Variants in GOLGA6B observed in about 807,000 individuals in gnomAD.
GOLGA6B encodes golgin subfamily A member 6B.
Under a neutral mutation model 63.0 loss-of-function variants are expected in GOLGA6B, and 11 were observed. That is an observed-to-expected ratio of 0.17 (90% CI 0.11 to 0.29). The LOEUF (loss-of-function observed/expected upper bound fraction) is 0.29. GOLGA6B is among the 10% of genes least tolerant of loss of function. The pLI, the probability that GOLGA6B is intolerant of heterozygous loss-of-function variation, is 1.00. For missense variants in GOLGA6B, 134 were observed against 563.8 expected (o/e 0.24, Z 7.72); for synonymous variants, 46 against 232.6 (o/e 0.20, Z 7.30).
In GOLGA6B at chr15:72,664,336, G is replaced by A. The variant is rs1020413023; in HGVS notation, c.1426-100G>A. ...CGGTGGCTGAGATGGCCGGCCAAAA[G>A]TTGCAGGAGACCCAGGGGAGGCAGT... On this transcript the variant is annotated intron_variant, in intron 12 of 17. Coordinates refer to ENST00000421285, the MANE Select transcript of GOLGA6B (RefSeq NM_018652.5). 3.2e-6 allele frequency: 4 copies of A among 1,240,884 alleles called. No homozygotes were observed. The African/African-American group carries it at 6.1e-5, about 19-fold the overall frequency. The allele number at this position is 1,240,884 out of a possible 1,614,324, so 76.9% of individuals were successfully genotyped here. A position where few individuals can be genotyped will look rare whatever the true frequency, so the allele number is the denominator to read the frequency against.
chr15:72,666,243 C>T lies in GOLGA6B; in HGVS notation c.1983C>T (p.Asn661=), dbSNP rs551348657. ...TTTATGAAGTGAGCCTGGACAACAA[C>T]GTGGAGCCTGCACCAGGAGCGGCCA... The part of the protein sequence containing the change: ...DDFYEVSLDN[N]VEPAPGAARE... The change falls in exon 18 of 18, where the codon AAC becomes AAT. Residue 661 remains asparagine (N), a synonymous_variant. Transcript: ENST00000421285. 12 of 1,601,950 alleles carry T rather than the reference C, an allele frequency of 7.5e-6. No individual in the cohort carries two copies. Among genetic ancestry groups the T allele is most frequent in the East Asian group, 4.6e-5 (2 of 43,890 alleles).
intron 7 of GOLGA6B, among the ~76,000 whole-genome samples, chr15:72,660,582 A>AGG (rs1241603873): frequency 8.5e-5 from 8 of 93,672 alleles, no homozygotes; most frequent in African/African-American, 2.7e-4. Flanking sequence ...GAGAGAGGAA[A>AGG]GGGGTGTGTG....
intron 10 of GOLGA6B, 67 bp from the exon 11 acceptor site, chr15:72,662,185 T>A: frequency 7.5e-7 from 1 of 1,333,156 alleles, no homozygotes; most frequent in Non-Finnish European, 9.9e-7. Context: ...TTTTTTTTTT[T>A]TTGAGGGGGA....
At chr15:72,657,948 G>T in intron 2 of GOLGA6B, among the ~76,000 whole-genome samples, 1 of 103,686 alleles carries the variant, frequency 9.6e-6, no homozygotes, top group African/African-American at 5.4e-5. Flanking sequence ...TGGGATTTGG[G>T]CTCTTTTTTT....
intron 7 of GOLGA6B, among the ~76,000 whole-genome samples, chr15:72,660,898 G>A (rs1191851273): frequency 3.2e-4 from 46 of 142,698 alleles, no homozygotes; most frequent in Non-Finnish European, 5.4e-4. Flanking sequence ...TTGAACACTC[G>A]ATGTTTTTCA....
In GOLGA6B at chr15:72,664,428, C is replaced by T. The variant is rs752542237; in HGVS notation, c.1426-8C>T. On this transcript the variant is annotated splice_region_variant and splice_polypyrimidine_tract_variant and intron_variant, in intron 12 of 17. Coordinates refer to ENST00000421285, the MANE Select transcript of GOLGA6B (RefSeq NM_018652.5). The stretch of plus-strand genomic sequence containing the variant: ...CGTGCCTTCTCACTCTGTTTCCCGT[C>T]CCCTTAGGAGCACCTAGAAGCTGCC... 12 of 1,321,252 alleles carry T rather than the reference C, an allele frequency of 9.1e-6. No homozygotes were observed. Among genetic ancestry groups the T allele is most frequent in the Non-Finnish European group, 1.0e-5 (10 of 961,458 alleles). 81.8% of individuals were successfully genotyped at this position (1,321,252 alleles called of 1,614,324 possible).
chr15:72,664,173 A>T (rs1275623700), intron 12 of GOLGA6B, among the ~76,000 whole-genome samples: 1 of 130,492 alleles, frequency 7.7e-6, no homozygotes, highest in Non-Finnish European at 1.7e-5. Context: ...CAGCAGCGAG[A>T]CTAGTACCTG....
rs1311376966 is a variant in GOLGA6B, at chr15:72,669,037, T to G, written c.*2695T>G. Among the ~76,000 whole-genome samples the G allele has an allele frequency of 2.7e-5, 4 of 150,852 alleles. No homozygotes were observed. Among genetic ancestry groups the G allele is most frequent in the South Asian group, 4.2e-4 (2 of 4,718 alleles). ...GAAGGCAACATTAGAAGGGTAGAGT[T>G]TAATCAGAAACATAGAATTTTAAAG... On this transcript the variant is annotated 3_prime_UTR_variant, in exon 18 of 18. Coordinates refer to ENST00000421285, the MANE Select transcript of GOLGA6B (RefSeq NM_018652.5).
chr15:72,660,912 A>C (rs1463371967), intron 7 of GOLGA6B, among the ~76,000 whole-genome samples: 2 of 146,714 alleles, frequency 1.4e-5, no homozygotes, highest in Non-Finnish European at 3.0e-5. Flanking sequence ...TTTTTCATCT[A>C]CACAATAGAG....
chr15:72,664,464 A>T lies in GOLGA6B; in HGVS notation c.1454A>T (p.Asn485Ile), dbSNP rs1296581513. ...CACCTAGAAGCTGCCAGCCAGCAGA[A>T]CCAACAGCTAGAGACCCAGCTAAGC... ...EEHLEAASQQ[N>I]QQLETQLSLV... The change falls in exon 13 of 18, where the codon AAC becomes ATC. Residue 485 changes from asparagine to isoleucine, a missense_variant. By Grantham distance (149) the Asn-to-Ile change is moderately radical (BLOSUM62 -3). Coordinates refer to ENST00000421285, the MANE Select transcript of GOLGA6B (RefSeq NM_018652.5). The T allele has an allele frequency of 4.5e-6, 6 of 1,340,444 alleles. 2 individuals are homozygous for T. Among genetic ancestry groups the T allele is most frequent in the Non-Finnish European group, 6.1e-6 (6 of 979,022 alleles). 83.0% of individuals were successfully genotyped at this position (1,340,444 alleles called of 1,614,324 possible).
rs1412870444 is a variant in GOLGA6B at position 72,667,295 on chromosome 15, GAGCATTTATATCTACA to G, written c.*955_*970del. Among the ~76,000 whole-genome samples, 1 of 131,598 alleles carries G rather than the reference GAGCATTTATATCTACA, an allele frequency of 7.6e-6. No individual in the cohort carries two copies. The highest frequency in any genetic ancestry group is 2.9e-4 in the South Asian group (1 of 3,454). The allele number at this position is 131,598 out of a possible 152,430, so 86.3% of individuals were successfully genotyped here. The stretch of plus-strand genomic sequence containing the variant: ...GATGTGGAAAACCTTTTCTAGCTTA[GAGCATTTATATCTACA>G]ATACATTTTAAAGTCAGAGTTCATG... On this transcript the variant is annotated 3_prime_UTR_variant, in exon 18 of 18. Transcript: ENST00000421285.
At chr15:72,665,219 T>G (rs1334752884) in intron 14 of GOLGA6B, among the ~76,000 whole-genome samples, 184 bp downstream of exon 14, 4 of 119,840 alleles carry the variant, frequency 3.3e-5, no homozygotes, top group Non-Finnish European at 6.6e-5. Context: ...AGGGAAGGGG[T>G]TGTTCTCCAC....
intron 12 of GOLGA6B, among the ~76,000 whole-genome samples, chr15:72,663,846 C>T (rs1391947690): frequency 7.8e-6 from 1 of 128,422 alleles, no homozygotes; most frequent in African/African-American, 2.7e-5. Context: ...ACCTGGAAAG[C>T]ATTAGGCATG....
chr15:72,664,509 A>G lies in GOLGA6B; in HGVS notation c.1499A>G (p.Glu500Gly). The change falls in exon 13 of 18, where the codon GAA (glutamate) becomes GGA (glycine). Residue 500 changes from glutamate (E) to glycine (G), a missense_variant and splice_region_variant. By Grantham distance (98) the Glu-to-Gly change is moderately conservative. Transcript: ENST00000421285. ...TQLSLVALPG[E>G]GDGGQHLDSE... ...CTAAGCCTCGTGGCTCTCCCGGGAG[A>G]AGGTACAGGAGACCACTCAGAGGAA... 7.4e-7 allele frequency: 1 copy of G among 1,353,122 alleles called. No homozygotes were observed. Among genetic ancestry groups the G allele is most frequent in the Non-Finnish European group, 1.0e-6 (1 of 992,700 alleles). The allele number at this position is 1,353,122 out of a possible 1,614,324, so 83.8% of individuals were successfully genotyped here.
In GOLGA6B at chr15:72,664,522, C is replaced by A. The variant is rs745391059; in HGVS notation, c.1501+11C>A. On this transcript the variant is annotated intron_variant, in intron 13 of 17. Coordinates refer to ENST00000421285, the MANE Select transcript of GOLGA6B (RefSeq NM_018652.5). Reference sequence around the variant, plus strand: ...CTCTCCCGGGAGAAGGTACAGGAGACCACTCAGAGGAAGAGGAGAGAGCCC... The same window carrying A: ...CTCTCCCGGGAGAAGGTACAGGAGAACACTCAGAGGAAGAGGAGAGAGCCC... The A allele has an allele frequency of 1.5e-6, 2 of 1,346,110 alleles. 1 individual carries two copies. Among genetic ancestry groups the A allele is most frequent in the South Asian group, 2.8e-5 (2 of 70,258 alleles). 83.4% of individuals were successfully genotyped at this position (1,346,110 alleles called of 1,614,324 possible).
Position 72,666,210 on chromosome 15 carries a change from T to G in GOLGA6B, c.1955-5T>G, listed in dbSNP as rs77306453. On this transcript the variant is annotated splice_region_variant and splice_polypyrimidine_tract_variant and intron_variant, in intron 17 of 17. Coordinates refer to ENST00000421285, the MANE Select transcript of GOLGA6B (RefSeq NM_018652.5). ...GCTCAGACCCCCGCCTCCCTCTCTCTGAAGATTTTTATGAAGTGAGCCTGG... is the reference window on the plus strand; with the variant it reads ...GCTCAGACCCCCGCCTCCCTCTCTCGGAAGATTTTTATGAAGTGAGCCTGG... The G allele has an allele frequency of 1.9e-6, 3 of 1,540,204 alleles. No individual in the cohort carries two copies. Among genetic ancestry groups the G allele is most frequent in the Admixed American group, 3.6e-5 (2 of 55,174 alleles).
intron 17 of GOLGA6B, 35 bp downstream of exon 17, chr15:72,666,163 G>C (rs929735191): frequency 6.2e-7 from 1 of 1,603,004 alleles, no homozygotes; most frequent in African/African-American, 1.4e-5. Flanking sequence ...GGGCAGGCAG[G>C]GGCAGGGGAG....
intron 1 of GOLGA6B, among the ~76,000 whole-genome samples, chr15:72,656,250 G>A (rs1174978704): frequency 1.4e-4 from 6 of 44,128 alleles, no homozygotes; most frequent in African/African-American, 5.1e-4. Flanking sequence ...TTTGGTCCCC[G>A]GCAGCTGCTG....
At chr15:72,657,352 G>A (rs1402310047) in intron 2 of GOLGA6B, among the ~76,000 whole-genome samples, 1 of 147,476 alleles carries the variant, frequency 6.8e-6, no homozygotes, top group African/African-American at 2.5e-5. Flanking sequence ...GATCTGCATT[G>A]GTCAGCTGAC....
Sources: allele counts gnomAD v4.1 joint callset (sites outside exome capture counted in the v4.1 genomes callset), GRCh38; gene constraint gnomAD v4.1.1; transcripts MANE v1.5; gene names NCBI Gene and HGNC (gene_info 2026-07-23, HGNC 2026-07-21).